LINGO2: variants seen among roughly 807,000 people sequenced by gnomAD.
LINGO2 encodes leucine-rich repeat and immunoglobulin-like domain-containing nogo receptor-interacting protein 2.
Under a neutral mutation model 30.6 loss-of-function variants are expected in LINGO2, and 14 were observed. The observed-to-expected ratio is 0.46, with a 90% CI of 0.30 to 0.72. The LOEUF is 0.72. Ranked by LOEUF, LINGO2 falls within the 30% of genes least tolerant of loss-of-function variation. The pLI is 0.07. For synonymous variants in LINGO2, 317 were observed against 288.5 expected (o/e 1.10, Z -1.00); for missense variants, 729 against 751.7 (o/e 0.97, Z 0.35).
chr9:28,051,931 C>A (rs1824696039), intron 4 of LINGO2, among the ~76,000 whole-genome samples: 1 of 151,998 alleles, frequency 6.6e-6, no homozygotes. Context: ...ATAAAAAACA[C>A]AGAATATTCA....
At chr9:28,483,410 G>A (rs185175750) in intron 1 of LINGO2, among the ~76,000 whole-genome samples, 16 of 152,166 alleles carry the variant, frequency 1.1e-4, no homozygotes, top group Admixed American at 9.8e-4. Context: ...AGCTAGAGAT[G>A]CGGTGTGACC....
rs1023684996 is a variant in LINGO2, at chr9:28,666,133, C to T, written c.-365+4067G>A. On this transcript the variant is annotated intron_variant, in intron 1 of 5. Coordinates refer to ENST00000379992, the Ensembl canonical transcript of LINGO2. ...TCTCGAACTCCTGACCTCAGGTGAT[C>T]GACCCTCCTCGGCCTCCCAAAATGT... Among the ~76,000 whole-genome samples, 8 of 152,114 alleles carry T rather than the reference C, an allele frequency of 5.3e-5. 1 individual carries two copies. Among genetic ancestry groups the T allele is most frequent in the African/African-American group, 1.9e-4 (8 of 41,514 alleles).
rs370372350 is a variant in LINGO2, at chr9:28,077,845, A to G, written c.-86-65440T>C. ...AAGATAAGAAAAGGAAGAATCCTCA[A>G]TCTAATAACCTCATGCTCAATTTTC... On this transcript the variant is annotated intron_variant, in intron 4 of 5. Coordinates refer to ENST00000379992, the Ensembl canonical transcript of LINGO2. Among the ~76,000 whole-genome samples, 22 of 148,914 alleles carry G rather than the reference A, an allele frequency of 1.5e-4. 1 individual carries two copies. In the South Asian group the frequency reaches 3.1e-3, roughly 21 times the overall value.
chr9:27,967,227 G>T (rs191393185), intron 5 of LINGO2, among the ~76,000 whole-genome samples: 68 of 152,196 alleles, frequency 4.5e-4, no homozygotes, highest in African/African-American at 1.5e-3. Flanking sequence ...AACAATAGAA[G>T]TTTATTAGTT....
chr9:28,800,989 T>C, the LINGO2 span, among the ~76,000 whole-genome samples: 5 of 152,174 alleles, frequency 3.3e-5, no homozygotes, highest in African/African-American at 1.2e-4. Flanking sequence ...CATGGCATGA[T>C]TGGCTAGAGA....
chr9:28,966,896 T>C, the LINGO2 span, among the ~76,000 whole-genome samples: 1 of 152,192 alleles, frequency 6.6e-6, no homozygotes, highest in South Asian at 2.1e-4. Context: ...TTTTAACTAA[T>C]ACCCACTTAC....
the LINGO2 span, among the ~76,000 whole-genome samples, chr9:28,742,851 T>C: frequency 8.3e-5 from 1 of 12,054 alleles, no homozygotes; most frequent in Admixed American, 1.2e-3. Context: ...CCCTCTGTGC[T>C]ATTATTGTCA....
chr9:29,095,716 T>C, the LINGO2 span, among the ~76,000 whole-genome samples: 4 of 139,256 alleles, frequency 2.9e-5, 1 homozygote, highest in African/African-American at 8.1e-5. Context: ...TTGTCAAGTG[T>C]TGGGACTGGG....
At chr9:28,858,668 C>T in the LINGO2 span, among the ~76,000 whole-genome samples, 1 of 151,958 alleles carries the variant, frequency 6.6e-6, no homozygotes, top group Non-Finnish European at 1.5e-5. Flanking sequence ...TATGAAAATA[C>T]CCATCTGCCT....
At chr9:28,825,405 CA>C in the LINGO2 span, among the ~76,000 whole-genome samples, 2 of 151,098 alleles carry the variant, frequency 1.3e-5, no homozygotes, top group Non-Finnish European at 3.0e-5. Context: ...GTTTGGCAAG[CA>C]GGAGTCGAAT....
chr9:28,513,804 A>C (rs972096124), intron 1 of LINGO2, among the ~76,000 whole-genome samples: 1 of 152,236 alleles, frequency 6.6e-6, no homozygotes, highest in Non-Finnish European at 1.5e-5. Context: ...GATGATCTTA[A>C]AAAAGGACAT....
intron 4 of LINGO2, among the ~76,000 whole-genome samples, chr9:28,051,017 T>C (rs1824647114): frequency 6.6e-6 from 1 of 150,940 alleles, no homozygotes; most frequent in African/African-American, 2.4e-5. Context: ...TGAAACAAAG[T>C]TCTGTTTTTA....
chr9:28,100,967 GA>G (rs1826398305), intron 4 of LINGO2, among the ~76,000 whole-genome samples: 1 of 152,092 alleles, frequency 6.6e-6, no homozygotes, highest in Non-Finnish European at 1.5e-5. Flanking sequence ...AGTAAATGAA[GA>G]TACACAGATA....
At chr9:28,205,990 C>A (rs532700605) in intron 4 of LINGO2, among the ~76,000 whole-genome samples, 1 of 151,816 alleles carries the variant, frequency 6.6e-6, no homozygotes, top group Non-Finnish European at 1.5e-5. Context: ...TATGGAAAAA[C>A]CCTGTCTCTA....
chr9:29,072,092 C>T, the LINGO2 span, among the ~76,000 whole-genome samples: 1 of 151,968 alleles, frequency 6.6e-6, no homozygotes, highest in East Asian at 1.9e-4. Flanking sequence ...GAAAGTTGGG[C>T]AAACTTGGTA....
chr9:28,577,121 TATAAA>T (rs1313133103), intron 1 of LINGO2, among the ~76,000 whole-genome samples: 2 of 152,172 alleles, frequency 1.3e-5, no homozygotes, highest in African/African-American at 4.8e-5. Flanking sequence ...AAATTGCCTT[TATAAA>T]ATAAAACGCC....
intron 1 of LINGO2, among the ~76,000 whole-genome samples, chr9:28,506,583 T>C (rs1303606399): frequency 7.5e-6 from 1 of 133,500 alleles, no homozygotes; most frequent in Admixed American, 8.0e-5. Flanking sequence ...TTTATAATCA[T>C]CATGATCTAC....
intron 4 of LINGO2, among the ~76,000 whole-genome samples, chr9:28,225,554 A>T (rs1821116274): frequency 1.3e-5 from 2 of 152,100 alleles, no homozygotes; most frequent in African/African-American, 4.8e-5. Flanking sequence ...AAAATTTCTT[A>T]ATGAGAGAAA....
intron 2 of LINGO2, among the ~76,000 whole-genome samples, chr9:28,469,073 A>G (rs971259307): frequency 6.6e-6 from 1 of 152,176 alleles, no homozygotes; most frequent in Non-Finnish European, 1.5e-5. Context: ...TAGAGAAACA[A>G]TATATGAACA....
Sources: gnomAD v4.1 joint callset for allele counts (sites outside exome capture counted in the v4.1 genomes callset) on GRCh38, gnomAD v4.1.1 for gene constraint, MANE v1.5 for transcripts, NCBI Gene and HGNC (gene_info 2026-07-23, HGNC 2026-07-21) for gene names.